RPH3A: variants seen among roughly 807,000 people sequenced by gnomAD.
RPH3A encodes the protein rabphilin 3A.
RPH3A carries 48 observed loss-of-function variants against 102.2 expected under a neutral mutation model. The observed-to-expected ratio is 0.47, with a 90% CI of 0.37 to 0.60. RPH3A has a LOEUF of 0.60. Among genes scored for constraint, RPH3A ranks in the 20% least tolerant of loss-of-function variants. The pLI is 0.00. For synonymous variants in RPH3A, 310 were observed against 324.3 expected (o/e 0.96, Z 0.47); for missense variants, 781 against 910.1 (o/e 0.86, Z 1.83).
chr12:112,676,351 T>A (rs1450002774), intron 1 of RPH3A, among the ~76,000 whole-genome samples: 2 of 152,140 alleles, frequency 1.3e-5, no homozygotes, highest in East Asian at 1.9e-4. Flanking sequence ...ATTTCTGAGG[T>A]TCCCTACCAG....
At chr12:112,619,659 C>T (rs1164636336) in intron 1 of RPH3A, among the ~76,000 whole-genome samples, 2 of 152,130 alleles carry the variant, frequency 1.3e-5, no homozygotes, top group East Asian at 3.9e-4. Flanking sequence ...TTTCCACCAG[C>T]AGTGTATGAG....
chr12:112,584,010 T>C (rs1311024351), intron 1 of RPH3A, among the ~76,000 whole-genome samples: 2 of 151,936 alleles, frequency 1.3e-5, no homozygotes, highest in Non-Finnish European at 2.9e-5. Context: ...ATACATAAAT[T>C]AAAGGGCTAA....
chr12:112,780,644 G>C (rs10850079), intron 1 of RPH3A, among the ~76,000 whole-genome samples: 137,241 of 152,220 alleles, frequency 0.9, 61,923 homozygotes, highest in African/African-American at 0.96. Context: ...CATATGGGCC[G>C]TTTCATGTGT....
At chr12:112,739,660 C>T (rs765566100) in intron 1 of RPH3A, among the ~76,000 whole-genome samples, 9 of 152,178 alleles carry the variant, frequency 5.9e-5, no homozygotes, top group Admixed American at 2.0e-4. Context: ...ACTTACCAGC[C>T]GTCCTGGTCT....
chr12:112,828,456 T>A, intron 3 of RPH3A, 67 bp downstream of exon 3: 1 of 1,203,342 alleles, frequency 8.3e-7, no homozygotes, highest in South Asian at 1.4e-5. Flanking sequence ...ATTCTACACT[T>A]GAAAAAAAGA....
intron 1 of RPH3A, among the ~76,000 whole-genome samples, chr12:112,605,901 A>G (rs1426369649): frequency 6.6e-6 from 1 of 152,194 alleles, no homozygotes; most frequent in Non-Finnish European, 1.5e-5. Flanking sequence ...CTCTTCCTGA[A>G]ATAATTATAT....
chr12:112,763,661 T>G, intron 1 of RPH3A, among the ~76,000 whole-genome samples: 1 of 152,184 alleles, frequency 6.6e-6, no homozygotes, highest in East Asian at 1.9e-4. Context: ...GAGAATAGAT[T>G]GTAAATGTTT....
intron 1 of RPH3A, among the ~76,000 whole-genome samples, chr12:112,758,914 G>T (rs2040837067): frequency 6.6e-6 from 1 of 152,148 alleles, no homozygotes; most frequent in South Asian, 2.1e-4. Flanking sequence ...AACCCAGGAG[G>T]ACAGAAATAT....
intron 1 of RPH3A, among the ~76,000 whole-genome samples, chr12:112,685,525 A>G (rs539676546): frequency 2.4e-4 from 37 of 152,312 alleles, no homozygotes; most frequent in Non-Finnish European, 1.8e-4. Context: ...TGATGAAATC[A>G]TACTTTTTCT....
chr12:112,851,997 A>G (rs192680483), intron 5 of RPH3A, among the ~76,000 whole-genome samples: 8 of 152,290 alleles, frequency 5.3e-5, no homozygotes, highest in Admixed American at 4.6e-4. Flanking sequence ...TATTATTTTC[A>G]TGATTTTATG....
chr12:112,880,648 A>T (rs1289356121), intron 14 of RPH3A, among the ~76,000 whole-genome samples: 1 of 152,164 alleles, frequency 6.6e-6, no homozygotes, highest in East Asian at 1.9e-4. Flanking sequence ...CCCTTGAACA[A>T]TGTGGGAGTT....
At chr12:112,819,853 G>A (rs2041747306) in intron 2 of RPH3A, among the ~76,000 whole-genome samples, 2 of 152,200 alleles carry the variant, frequency 1.3e-5, no homozygotes, top group African/African-American at 4.8e-5. Flanking sequence ...TTGCAGGGTT[G>A]CTAAAAAAAT....
At chr12:112,783,316 C>A (rs567978359) in intron 1 of RPH3A, among the ~76,000 whole-genome samples, 2 of 152,190 alleles carry the variant, frequency 1.3e-5, no homozygotes, top group Admixed American at 6.5e-5. Context: ...CATTGCCCCA[C>A]CCCCTACCCC....
intron 1 of RPH3A, among the ~76,000 whole-genome samples, chr12:112,699,909 A>G (rs1420056725): frequency 1.3e-5 from 2 of 152,204 alleles, no homozygotes; most frequent in Non-Finnish European, 2.9e-5. Flanking sequence ...TTACTTTCAT[A>G]TCTTATCCAT....
At chr12:112,882,905 A>G (rs2042938859) in intron 15 of RPH3A, among the ~76,000 whole-genome samples, 1 of 152,214 alleles carries the variant, frequency 6.6e-6, no homozygotes, top group Admixed American at 6.5e-5. Context: ...TTTAGGCATG[A>G]AGGGTACTAT....
chr12:112,804,176 A>G (rs947839652), intron 2 of RPH3A, among the ~76,000 whole-genome samples: 2 of 152,234 alleles, frequency 1.3e-5, no homozygotes, highest in Non-Finnish European at 2.9e-5. Flanking sequence ...TTGCAAGATT[A>G]GTTAGGAACG....
chr12:112,856,728 G>A (rs1005251349), intron 5 of RPH3A, among the ~76,000 whole-genome samples: 1 of 152,108 alleles, frequency 6.6e-6, no homozygotes, highest in Non-Finnish European at 1.5e-5. Flanking sequence ...ATGAGTACAG[G>A]GATATATAAA....
At chr12:112,849,408 A>AGTGTGT (rs35635799) in intron 5 of RPH3A, among the ~76,000 whole-genome samples, 56 of 146,830 alleles carry the variant, frequency 3.8e-4, no homozygotes, top group African/African-American at 1.1e-3. Flanking sequence ...CCAGACTGGC[A>AGTGTGT]GTGTGTGTGT....
At chr12:112,876,247 C>T (rs948859479) in intron 12 of RPH3A, among the ~76,000 whole-genome samples, 1 of 152,124 alleles carries the variant, frequency 6.6e-6, no homozygotes, top group Non-Finnish European at 1.5e-5. Context: ...CTTTCTCAGG[C>T]ATCAGGCACT....
Sources: allele counts gnomAD v4.1 joint callset (sites outside exome capture counted in the v4.1 genomes callset), GRCh38; gene constraint gnomAD v4.1.1; transcripts MANE v1.5; gene names NCBI Gene and HGNC (gene_info 2026-07-23, HGNC 2026-07-21).